FHOD3: variants seen among roughly 807,000 people sequenced by gnomAD.
FHOD3 encodes the protein formin homology 2 domain containing 3, also known as FH1/FH2 domain-containing protein 3.
FHOD3 carries 90 observed loss-of-function variants against 173.0 expected under a neutral mutation model. The ratio of observed to expected loss-of-function variants is 0.52; its 90% confidence interval spans 0.44 to 0.62. The LOEUF (loss-of-function observed/expected upper bound fraction) is 0.62. FHOD3 is among the 20% of genes least tolerant of loss of function. The pLI is 0.00. For synonymous variants in FHOD3, 828 were observed against 823.0 expected, an observed-to-expected ratio of 1.01 and a Z score of -0.10; for missense variants, 1,945 against 2,034.7, an observed-to-expected ratio of 0.96 and a Z score of 0.85.
chr18:36,679,041 C>T (rs1017794811), intron 14 of FHOD3, among the ~76,000 whole-genome samples: 16 of 152,012 alleles, frequency 1.1e-4, no homozygotes, highest in Admixed American at 3.3e-4. Flanking sequence ...ATCTGACTTT[C>T]GTGGATTTTT....
In FHOD3 at chr18:36,779,594, T is replaced by G. The variant is rs1348166936; in HGVS notation, c.*64T>G. On this transcript the variant is annotated 3_prime_UTR_variant, in exon 29 of 29. Transcript: ENST00000590592. ...GCAAGCTCTTGCTGGATGAAACCCC[T>G]CCAGGTGGGGTTGGGGAGACTTGAT... 3 of 1,436,362 alleles carry G rather than the reference T, an allele frequency of 2.1e-6. No individual in the cohort carries two copies. Among genetic ancestry groups the G allele is most frequent in the East Asian group, 2.3e-5 (1 of 43,788 alleles). The allele number at this position is 1,436,362 out of a possible 1,614,324, so 89.0% of individuals were successfully genotyped here.
intron 2 of FHOD3, among the ~76,000 whole-genome samples, chr18:36,364,198 T>C (rs1265645883): frequency 6.6e-6 from 1 of 152,088 alleles, no homozygotes; most frequent in Non-Finnish European, 1.5e-5. Context: ...CCAAGAAATC[T>C]CCCAATGTGG....
At chr18:36,648,206 G>T (rs1314301899) in intron 10 of FHOD3, among the ~76,000 whole-genome samples, 1 of 152,168 alleles carries the variant, frequency 6.6e-6, no homozygotes, top group East Asian at 1.9e-4. Context: ...ATGGGGGCTT[G>T]TGGTCAGGGG....
At position 36,742,828 on chromosome 18, in the gene FHOD3, C is replaced by A. The variant is rs746712580; in HGVS notation, c.3851C>A (p.Ala1284Asp). ...GGCTTTATCCTGTCTACTCTCTTAG[C>A]CATTGGGAACTTTCTAAATGGAACT... is the stretch of plus-strand genomic sequence containing the variant. ...TLGFILSTLL[A>D]IGNFLNGTNA... Residue 1284 changes from alanine to aspartate, a missense_variant, in exon 22 of 29, where the codon GCC becomes GAC. Ala to Asp is a moderately radical substitution (Grantham distance 126). Around this residue, in one of 5 missense-constraint regions of FHOD3, gnomAD observed 231 missense variants for 321.9 expected, o/e 0.72. Coordinates refer to ENST00000590592, the MANE Select transcript of FHOD3 (RefSeq NM_001281740.3). The A allele has an allele frequency of 1.6e-5, 26 of 1,613,692 alleles. No individual in the cohort carries two copies. Among genetic ancestry groups the A allele is most frequent in the Non-Finnish European group, 2.1e-5 (25 of 1,179,914 alleles).
In FHOD3 at chr18:36,645,033, G is replaced by A. The variant is rs553519226; in HGVS notation, c.1197-4283G>A. Among the ~76,000 whole-genome samples the A allele has an allele frequency of 9.8e-5, 15 of 152,286 alleles. No homozygotes were observed. The South Asian group carries it at 1.2e-3, about 13-fold the overall frequency. On this transcript the variant is annotated intron_variant, in intron 10 of 28. Coordinates refer to ENST00000590592, the MANE Select transcript of FHOD3 (RefSeq NM_001281740.3). Reference sequence around the variant, plus strand: ...ACTCCTGATCAAGCTGAGGGAAGGTGGCCTCATGATGGAGCTTGTAGGTAT... The same window carrying A: ...ACTCCTGATCAAGCTGAGGGAAGGTAGCCTCATGATGGAGCTTGTAGGTAT...
At chr18:36,695,226 C>T (rs1355878905) in intron 17 of FHOD3, among the ~76,000 whole-genome samples, 1 of 151,428 alleles carries the variant, frequency 6.6e-6, no homozygotes, top group Admixed American at 6.6e-5. Context: ...GTGGCGCATG[C>T]CTGTAATCTC....
At position 36,742,973 on chromosome 18, in the gene FHOD3, T is replaced by C. The variant is rs947738917; in HGVS notation, c.3879+117T>C. On this transcript the variant is annotated intron_variant, in intron 22 of 28. Coordinates refer to ENST00000590592, the MANE Select transcript of FHOD3 (RefSeq NM_001281740.3). ...CAAAGCACAGTGGAACAAATGACTT[T>C]TGTGTCTTCTTGCTGAAAATCTAGA... 1.7e-5 allele frequency: 23 copies of C among 1,375,812 alleles called. No individual in the cohort carries two copies. The East Asian group carries it at 4.9e-4, about 29-fold the overall frequency. 85.2% of individuals were successfully genotyped at this position (1,375,812 alleles called of 1,614,324 possible). A position where few individuals can be genotyped will look rare whatever the true frequency, so the allele number is the denominator to read the frequency against.
At chr18:36,476,469 AAG>A (rs1450536876) in intron 3 of FHOD3, among the ~76,000 whole-genome samples, 1 of 152,190 alleles carries the variant, frequency 6.6e-6, no homozygotes. Flanking sequence ...AGCAGAGTGA[AAG>A]AGTGAGCTGG....
At chr18:36,550,272 C>T (rs1246722550) in intron 5 of FHOD3, among the ~76,000 whole-genome samples, 1 of 79,164 alleles carries the variant, frequency 1.3e-5, no homozygotes, top group African/African-American at 4.4e-5. Context: ...ATATATGGGT[C>T]TGTTTCTGAA....
At chr18:36,685,766 G>C (rs2038569773) in intron 15 of FHOD3, among the ~76,000 whole-genome samples, 2 of 152,254 alleles carry the variant, frequency 1.3e-5, no homozygotes, top group South Asian at 2.1e-4. Flanking sequence ...ATGATGTTAG[G>C]ATTCTCCAAG....
At chr18:36,523,566 G>T (rs2056377487) in intron 5 of FHOD3, among the ~76,000 whole-genome samples, 1 of 152,152 alleles carries the variant, frequency 6.6e-6, no homozygotes, top group Non-Finnish European at 1.5e-5. Context: ...GACATGATTT[G>T]GTTCTTCTGG....
chr18:36,550,258 A>ATATATATATATATATATG (rs1230281530), intron 5 of FHOD3, among the ~76,000 whole-genome samples: 1 of 147,334 alleles, frequency 6.8e-6, no homozygotes. Flanking sequence ...ATATATATAT[A>ATATATATATATATATATG]TATATATATG....
chr18:36,554,784 A>G (rs1376587653), intron 5 of FHOD3, among the ~76,000 whole-genome samples: 6 of 152,290 alleles, frequency 3.9e-5, no homozygotes, highest in South Asian at 2.1e-4. Context: ...CAGGTTATCT[A>G]TTTGTTCTTG....
At chr18:36,309,164 G>C (rs1568102874) in intron 1 of FHOD3, among the ~76,000 whole-genome samples, 1 of 152,126 alleles carries the variant, frequency 6.6e-6, no homozygotes, top group South Asian at 2.1e-4. Context: ...CAGACTTAAG[G>C]CCTGCAGTTC....
At chr18:36,756,172 G>A (rs928668051) in intron 25 of FHOD3, among the ~76,000 whole-genome samples, 4 of 152,176 alleles carry the variant, frequency 2.6e-5, no homozygotes, top group Non-Finnish European at 5.9e-5. Flanking sequence ...ATCCATTACT[G>A]TAAGGTCAGT....
intron 3 of FHOD3, among the ~76,000 whole-genome samples, chr18:36,412,824 C>T (rs768894604): frequency 2.6e-5 from 4 of 152,126 alleles, no homozygotes; most frequent in Admixed American, 2.0e-4. Context: ...TGAATGATAA[C>T]AAGAATTTTC....
intron 18 of FHOD3, 72 bp from the exon 19 acceptor site, chr18:36,717,760 T>C (rs1472102738): frequency 2.7e-6 from 4 of 1,509,120 alleles, no homozygotes; most frequent in East Asian, 4.6e-5. Flanking sequence ...GGCTCACTTA[T>C]TCTCATCGAT....
chr18:36,583,132 C>A lies in FHOD3; in HGVS notation c.606+6587C>A, dbSNP rs560074789. Reference sequence around the variant, plus strand: ...ACAAGGAATGCATAAACCAGTGCAGCCTGCAGGTTGACACTGATCAGTCAA... The same window carrying A: ...ACAAGGAATGCATAAACCAGTGCAGACTGCAGGTTGACACTGATCAGTCAA... On this transcript the variant is annotated intron_variant, in intron 6 of 28. Coordinates refer to ENST00000590592, the MANE Select transcript of FHOD3 (RefSeq NM_001281740.3). 4.6e-5 allele frequency among the ~76,000 whole-genome samples: 7 copies of A among 152,300 alleles called. No homozygotes were observed. In the South Asian group the frequency reaches 1.2e-3, roughly 27 times the overall value.
At chr18:36,682,346 T>C (rs1330531424) in intron 15 of FHOD3, among the ~76,000 whole-genome samples, 4 of 152,110 alleles carry the variant, frequency 2.6e-5, no homozygotes, top group African/African-American at 2.4e-5. Flanking sequence ...TTTTCCCTTT[T>C]CCCCCTTTCT....
Sources: gnomAD v4.1 joint callset for allele counts (sites outside exome capture counted in the v4.1 genomes callset) on GRCh38, gnomAD v4.1.1 for gene constraint, gnomAD v4.1.1 regional missense constraint, MANE v1.5 for transcripts, NCBI Gene and HGNC (gene_info 2026-07-23, HGNC 2026-07-21) for gene names.